Variants in SEMA3A observed in about 807,000 individuals in gnomAD.
The protein encoded by SEMA3A is semaphorin 3A.
In SEMA3A, 29 loss-of-function variants were observed where a neutral mutation model predicts 97.9. That is an observed-to-expected ratio of 0.30 (90% CI 0.22 to 0.40). The LOEUF (loss-of-function observed/expected upper bound fraction) is 0.40. SEMA3A is among the 10% of genes least tolerant of loss of function. The pLI is 1.00. For missense variants in SEMA3A, 763 were observed against 951.3 expected, an observed-to-expected ratio of 0.80 and a Z score of 2.60; for synonymous variants, 321 against 323.7, an observed-to-expected ratio of 0.99 and a Z score of 0.09.
At chr7:84,327,884 T>G (rs1205708931) in intron 2 of SEMA3A, among the ~76,000 whole-genome samples, 1 of 151,986 alleles carries the variant, frequency 6.6e-6, no homozygotes. Flanking sequence ...TTCGCTAGAT[T>G]TTTTAGCCAG....
At chr7:84,017,836 T>C (rs1385945728) in intron 6 of SEMA3A, among the ~76,000 whole-genome samples, 6 of 152,130 alleles carry the variant, frequency 3.9e-5, no homozygotes, top group Non-Finnish European at 8.8e-5. Flanking sequence ...TTCAAATCAG[T>C]CATTCCAACT....
chr7:84,152,221 T>C (rs963878421), intron 1 of SEMA3A, among the ~76,000 whole-genome samples: 4 of 151,246 alleles, frequency 2.6e-5, no homozygotes, highest in Admixed American at 2.6e-4. Context: ...TAAATCATGC[T>C]GCTATAAAGA....
At chr7:84,070,550 A>T (rs924101693) in intron 4 of SEMA3A, among the ~76,000 whole-genome samples, 1 of 152,176 alleles carries the variant, frequency 6.6e-6, no homozygotes, top group Non-Finnish European at 1.5e-5. Context: ...AAACCTTTAT[A>T]TATGTGATAG....
intron 4 of SEMA3A, among the ~76,000 whole-genome samples, chr7:84,073,884 A>T (rs1009014888): frequency 2.7e-5 from 4 of 150,246 alleles, no homozygotes; most frequent in African/African-American, 1.0e-4. Flanking sequence ...AAAAAAAGCT[A>T]AAAAAATGAA....
intron 4 of SEMA3A, among the ~76,000 whole-genome samples, chr7:84,065,183 G>A (rs1345820615): frequency 9.5e-5 from 13 of 136,926 alleles, no homozygotes; most frequent in Admixed American, 5.3e-4. Flanking sequence ...GGTACATAAC[G>A]AAATGAAGGC....
intron 1 of SEMA3A, among the ~76,000 whole-genome samples, chr7:84,179,887 C>T (rs1405583343): frequency 1.3e-5 from 2 of 148,758 alleles, no homozygotes; most frequent in Admixed American, 6.8e-5. Flanking sequence ...TACAAACACT[C>T]ACATATTTGA....
intron 3 of SEMA3A, among the ~76,000 whole-genome samples, chr7:84,278,835 C>A (rs1423904176): frequency 6.6e-6 from 1 of 152,098 alleles, no homozygotes; most frequent in Admixed American, 6.6e-5. Flanking sequence ...CCAAACATCA[C>A]CATCATCATT....
intron 3 of SEMA3A, among the ~76,000 whole-genome samples, chr7:84,112,886 T>C (rs1281368461): frequency 3.9e-5 from 6 of 152,216 alleles, no homozygotes; most frequent in Non-Finnish European, 7.3e-5. Context: ...CTGTGAAACC[T>C]GGCAAAGGGT....
chr7:84,247,698 C>A (rs1392534490), intron 3 of SEMA3A, among the ~76,000 whole-genome samples: 2 of 152,196 alleles, frequency 1.3e-5, no homozygotes, highest in East Asian at 3.9e-4. Context: ...ACTCAATGAT[C>A]CACTGGAGAG....
intron 1 of SEMA3A, among the ~76,000 whole-genome samples, chr7:84,164,115 G>A (rs1406662368): frequency 6.6e-6 from 1 of 152,000 alleles, no homozygotes. Context: ...AAAGTTCTGG[G>A]ATTACAGACG....
rs1010807139 is a variant in SEMA3A, at chr7:84,178,283, G to A, written c.112+16192C>T. On this transcript the variant is annotated intron_variant, in intron 1 of 16. Coordinates refer to ENST00000265362, the MANE Select transcript of SEMA3A (RefSeq NM_006080.3). ...TTATTGTCTATTCAGCACTTTGATC[G>A]CTTGACCTGGTACTTCATATTGTGA... Among the ~76,000 whole-genome samples, 5 of 151,860 alleles carry A rather than the reference G, an allele frequency of 3.3e-5. 1 individual carries two copies. The highest frequency in any genetic ancestry group is 1.3e-4 in the Admixed American group (2 of 15,220).
At chr7:84,429,960 T>C (rs1217582765) in intron 1 of SEMA3A, among the ~76,000 whole-genome samples, 2 of 151,854 alleles carry the variant, frequency 1.3e-5, no homozygotes, top group Non-Finnish European at 2.9e-5. Context: ...CTTTACGCTG[T>C]TGCAAAAGTG....
rs573173979 is a variant in SEMA3A at position 84,067,343 on chromosome 7, A to T, written c.454-6785T>A. ...CCTAGAAGAAAACCTAGGCATTACC[A>T]TTCAGGACATAAGCATGGGCAAGGA... On this transcript the variant is annotated intron_variant, in intron 4 of 16. Coordinates refer to ENST00000265362, the MANE Select transcript of SEMA3A (RefSeq NM_006080.3). Among the ~76,000 whole-genome samples, 202 of 152,308 alleles carry T rather than the reference A, an allele frequency of 1.3e-3. 1 individual carries two copies. In the South Asian group the frequency reaches 0.015, roughly 11 times the overall value.
At chr7:84,333,632 A>G (rs1201001757) in intron 2 of SEMA3A, among the ~76,000 whole-genome samples, 1 of 152,200 alleles carries the variant, frequency 6.6e-6, no homozygotes, top group African/African-American at 2.4e-5. Context: ...AAGACAAGAA[A>G]GTAAGAACAT....
At chr7:84,137,062 C>T (rs1796152773) in intron 1 of SEMA3A, among the ~76,000 whole-genome samples, 1 of 151,824 alleles carries the variant, frequency 6.6e-6, no homozygotes, top group African/African-American at 2.4e-5. Flanking sequence ...TGTTAGTCTC[C>T]AGAGAGGAGG....
In SEMA3A at chr7:84,321,888, AAAAAAAAAAAAG is replaced by A. The variant is rs1393098149; in HGVS notation, c.-168-14608_-168-14597del. On this transcript the variant is annotated intron_variant, in intron 2 of 3. Coordinates refer to the SEMA3A transcript ENST00000424555. ...GAGACTACGGAAAAAAAAAAAAAAAAAAAAAAAAAAAGAAGAAGAAGAAGGAGGAAATACCTG... is the reference window on the plus strand; with the variant it reads ...GAGACTACGGAAAAAAAAAAAAAAAAAAGAAGAAGAAGGAGGAAATACCTG... Among the ~76,000 whole-genome samples the A allele has an allele frequency of 2.8e-4, 37 of 131,610 alleles. 1 individual carries two copies. In the East Asian group the frequency reaches 3.7e-3, roughly 13 times the overall value. The allele number at this position is 131,610 out of a possible 152,430, so 86.3% of individuals were successfully genotyped here.
intron 9 of SEMA3A, among the ~76,000 whole-genome samples, chr7:84,009,892 T>A (rs1209577374): frequency 7.5e-6 from 1 of 133,012 alleles, no homozygotes; most frequent in Non-Finnish European, 1.6e-5. Flanking sequence ...AAGTTTGAGT[T>A]TGACACTGGT....
chr7:84,154,321 G>T (rs114100690), intron 1 of SEMA3A, among the ~76,000 whole-genome samples: 3,610 of 152,130 alleles, frequency 0.024, 154 homozygotes, highest in African/African-American at 0.081. Flanking sequence ...ACATTTCTTA[G>T]GCTAATTATT....
intron 6 of SEMA3A, among the ~76,000 whole-genome samples, chr7:84,024,556 T>G (rs1482943780): frequency 6.6e-6 from 1 of 151,634 alleles, no homozygotes; most frequent in African/African-American, 2.4e-5. Flanking sequence ...GCACACCCAA[T>G]GCCCCCCCAC....
Sources: allele counts gnomAD v4.1 joint callset (sites outside exome capture counted in the v4.1 genomes callset), GRCh38; gene constraint gnomAD v4.1.1; transcripts MANE v1.5; gene names NCBI Gene and HGNC (gene_info 2026-07-23, HGNC 2026-07-21).